MAST2: variants seen among roughly 807,000 people sequenced by gnomAD.
The protein encoded by MAST2 is microtubule-associated serine/threonine-protein kinase 2.
MAST2 carries 70 observed loss-of-function variants against 147.4 expected under a neutral mutation model. That is an observed-to-expected ratio of 0.47 (90% CI 0.39 to 0.58). The LOEUF is 0.58. Ranked by LOEUF, MAST2 falls within the 20% of genes least tolerant of loss-of-function variation. The probability of loss-of-function intolerance (pLI) is 0.00; values close to 1 mark genes in which losing one functional copy is unlikely to be tolerated. For missense variants in MAST2, 2,080 were observed against 2,302.3 expected, an observed-to-expected ratio of 0.90 and a Z score of 1.98; for synonymous variants, 869 against 896.8, an observed-to-expected ratio of 0.97 and a Z score of 0.55.
At chr1:45,815,101 T>A (rs543448676) in intron 1 of MAST2, among the ~76,000 whole-genome samples, 1 of 152,164 alleles carries the variant, frequency 6.6e-6, no homozygotes, top group African/African-American at 2.4e-5. Context: ...CTTTAACCAT[T>A]AATTTGTTGG....
In MAST2 at chr1:46,027,959, A is replaced by C. The variant is rs1646487164; in HGVS notation, c.2052+96A>C. On this transcript the variant is annotated intron_variant, in intron 17 of 28. Transcript: ENST00000361297. ...GTAATCCCAACCCTTTGGGAGGCTG[A>C]GGCAGGAGGATCGCTTGAGGCCAGC... The C allele has an allele frequency of 3.4e-6, 5 of 1,486,510 alleles. No homozygotes were observed. In the South Asian group the frequency reaches 6.3e-5, roughly 19 times the overall value. 92.1% of individuals were successfully genotyped at this position (1,486,510 alleles called of 1,614,324 possible). A position where few individuals can be genotyped will look rare whatever the true frequency, so the allele number is the denominator to read the frequency against.
chr1:46,023,599 A>T lies in MAST2; in HGVS notation c.1572-173A>T. 3.1e-6 allele frequency: 2 copies of T among 646,768 alleles called. No homozygotes were observed. Among genetic ancestry groups the T allele is most frequent in the Non-Finnish European group, 5.4e-6 (2 of 372,494 alleles). 40.1% of individuals were successfully genotyped at this position (646,768 alleles called of 1,614,324 possible). A position where few individuals can be genotyped will look rare whatever the true frequency, so the allele number is the denominator to read the frequency against. ...TGTCATCAGGACATGGTCTATCAAG[A>T]AGTTTAAGAGTTCTATGGACCAGGG... On this transcript the variant is annotated intron_variant, in intron 14 of 28. Transcript: ENST00000361297. This position sits in a 1 kb window ranked among gnomAD's most constrained non-coding sequence, Gnocchi z 4.9.
chr1:45,995,173 T>G (rs1222180567), intron 5 of MAST2, among the ~76,000 whole-genome samples: 1 of 152,206 alleles, frequency 6.6e-6, no homozygotes, highest in Non-Finnish European at 1.5e-5. Flanking sequence ...ATTGCTCTGC[T>G]GTCTTCTTGC....
rs868281700 is a variant in MAST2, at chr1:46,035,659, G to A, written c.4990G>A (p.Gly1664Ser). ...GTGGTCCTGGAAATCCCTTATTGAG[G>A]GCCCAGACAGGGCATCCCCAAGCAG... is the stretch of plus-strand genomic sequence containing the variant. Reference protein sequence around the residue: ...SMWSWKSLIEGPDRASPSRKA... With the variant: ...SMWSWKSLIESPDRASPSRKA... Residue 1664 changes from glycine to serine, a missense_variant, in exon 29 of 29, where the codon GGC becomes AGC. Gly to Ser is a moderately conservative substitution (Grantham distance 56). Coordinates refer to ENST00000361297, the MANE Select transcript of MAST2 (RefSeq NM_015112.3). This position sits in a 1 kb window ranked among gnomAD's most constrained non-coding sequence, Gnocchi z 5.5. 2 of 1,613,864 alleles carry A rather than the reference G, an allele frequency of 1.2e-6. No homozygotes were observed. Among genetic ancestry groups the A allele is most frequent in the Middle Eastern group, 1.6e-4 (1 of 6,062 alleles).
chr1:45,880,985 AAAG>A (rs931780916), intron 3 of MAST2, among the ~76,000 whole-genome samples: 3 of 150,254 alleles, frequency 2.0e-5, no homozygotes, highest in African/African-American at 4.9e-5. Flanking sequence ...AAAAAAAAGA[AAAG>A]AAAAAAGCAA....
At chr1:45,806,630 T>C (rs1644149853) in intron 1 of MAST2, among the ~76,000 whole-genome samples, 1 of 152,162 alleles carries the variant, frequency 6.6e-6, no homozygotes, top group African/African-American at 2.4e-5. Context: ...CAGGCTGGAG[T>C]GCAGCGGCAC....
At chr1:45,912,077 A>C (rs1286085482) in intron 4 of MAST2, among the ~76,000 whole-genome samples, 1 of 151,876 alleles carries the variant, frequency 6.6e-6, no homozygotes, top group Non-Finnish European at 1.5e-5. Context: ...CTTGTTGAGA[A>C]CTGTTAGATT....
At chr1:46,015,594 C>G (rs904369532) in intron 10 of MAST2, among the ~76,000 whole-genome samples, 1 of 151,984 alleles carries the variant, frequency 6.6e-6, no homozygotes, top group Non-Finnish European at 1.5e-5. Flanking sequence ...ATAAATTCCT[C>G]GACACATACA....
intron 1 of MAST2, among the ~76,000 whole-genome samples, chr1:45,805,495 A>AT (rs1644115545): frequency 6.6e-6 from 1 of 152,046 alleles, no homozygotes; most frequent in Non-Finnish European, 1.5e-5. Flanking sequence ...TTACTCCCCC[A>AT]TGTGCCTAAT....
intron 5 of MAST2, among the ~76,000 whole-genome samples, chr1:45,966,979 A>C (rs965774581): frequency 2.7e-5 from 4 of 147,426 alleles, no homozygotes; most frequent in African/African-American, 7.6e-5. Flanking sequence ...GATTTTGGCT[A>C]TTCTAATCTA....
chr1:45,881,041 T>G (rs1646824586), intron 3 of MAST2, among the ~76,000 whole-genome samples: 1 of 151,906 alleles, frequency 6.6e-6, no homozygotes, highest in South Asian at 2.1e-4. Flanking sequence ...CATATATTCA[T>G]GACTGTGTAT....
intron 15 of MAST2, 140 bp from the exon 16 acceptor site, chr1:46,025,537 G>A: frequency 3.1e-6 from 3 of 979,926 alleles, no homozygotes; most frequent in Non-Finnish European, 4.6e-6. Flanking sequence ...CAGCAGCAAA[G>A]GGGCTAGAAT....
At chr1:46,003,918 G>C (rs1280159717) in intron 7 of MAST2, among the ~76,000 whole-genome samples, 1 of 152,140 alleles carries the variant, frequency 6.6e-6, no homozygotes, top group African/African-American at 2.4e-5. Flanking sequence ...GCATTCTTCA[G>C]GTCTTCCCTG....
intron 4 of MAST2, among the ~76,000 whole-genome samples, chr1:45,931,982 C>CA (rs1180570292): frequency 6.6e-6 from 1 of 152,188 alleles, no homozygotes; most frequent in Non-Finnish European, 1.5e-5. Context: ...TGAGCTACTG[C>CA]ACCCAGCAAT....
At chr1:45,973,254 C>T (rs762278337) in intron 5 of MAST2, among the ~76,000 whole-genome samples, 41 of 151,890 alleles carry the variant, frequency 2.7e-4, no homozygotes, top group Non-Finnish European at 5.3e-4. Context: ...CTTTGAACTC[C>T]TGTCTTCCAG....
chr1:45,825,858 C>A (rs1413914598), intron 2 of MAST2, among the ~76,000 whole-genome samples: 1 of 151,904 alleles, frequency 6.6e-6, no homozygotes, highest in Non-Finnish European at 1.5e-5. Flanking sequence ...AGGCAGATCA[C>A]CTGAGGTCAG....
At chr1:45,870,936 T>C (rs1570458892) in intron 3 of MAST2, among the ~76,000 whole-genome samples, 1 of 152,092 alleles carries the variant, frequency 6.6e-6, no homozygotes, top group African/African-American at 2.4e-5. Context: ...CAAAAAAAAT[T>C]AAAATAACAA....
At chr1:46,026,897 C>CA (rs1307780815) in intron 16 of MAST2, among the ~76,000 whole-genome samples, 1 of 152,208 alleles carries the variant, frequency 6.6e-6, no homozygotes, top group Non-Finnish European at 1.5e-5. Context: ...CCCTGACCCT[C>CA]ACGTTCCTCC....
intron 5 of MAST2, among the ~76,000 whole-genome samples, chr1:45,986,658 A>G (rs2149089762): frequency 6.8e-6 from 1 of 147,318 alleles, no homozygotes; most frequent in South Asian, 2.2e-4. Flanking sequence ...CGGAGCTTGC[A>G]GTGAGCCGAG....
Sources: gnomAD v4.1 joint callset for allele counts (sites outside exome capture counted in the v4.1 genomes callset) on GRCh38, gnomAD v4.1.1 for gene constraint, Gnocchi (gnomAD v3.1) non-coding constraint, MANE v1.5 for transcripts, NCBI Gene and HGNC (gene_info 2026-07-23, HGNC 2026-07-21) for gene names.